Variants in EPS15 observed in about 807,000 individuals in gnomAD.
The protein encoded by EPS15 is epidermal growth factor receptor pathway substrate 15.
Under a neutral mutation model 113.8 loss-of-function variants are expected in EPS15, and 72 were observed. The ratio of observed to expected loss-of-function variants is 0.63; its 90% CI spans 0.52 to 0.77. The LOEUF (loss-of-function observed/expected upper bound fraction) is 0.77. Ranked by LOEUF, EPS15 falls within the 30% of genes least tolerant of loss-of-function variation. The probability of loss-of-function intolerance (pLI) is 0.00; values close to 1 mark genes in which losing one functional copy is unlikely to be tolerated. For synonymous variants in EPS15, 344 were observed against 363.4 expected, an observed-to-expected ratio of 0.95 and a Z score of 0.61; for missense variants, 1,048 against 1,045.8, an observed-to-expected ratio of 1.00 and a Z score of -0.03.
At chr1:51,467,912 AAT>A (rs1330303914) in intron 5 of EPS15, among the ~76,000 whole-genome samples, 1 of 152,132 alleles carries the variant, frequency 6.6e-6, no homozygotes, top group Non-Finnish European at 1.5e-5. Context: ...GGGGACCGTT[AAT>A]ATATAGCATG....
chr1:51,411,376 G>T (rs1165237998), intron 13 of EPS15, among the ~76,000 whole-genome samples: 1 of 152,036 alleles, frequency 6.6e-6, no homozygotes, highest in Non-Finnish European at 1.5e-5. Context: ...TGCAAAGAAA[G>T]GCAAAAAGTG....
intron 1 of EPS15, chr1:51,490,291 C>A (rs2148535683): frequency 2.2e-6 from 1 of 448,294 alleles, no homozygotes; most frequent in Non-Finnish European, 4.5e-6. Context: ...GAAGGCCAGG[C>A]ATGGTGGCTC....
chr1:51,415,565 G>A (rs1301160720), intron 13 of EPS15, among the ~76,000 whole-genome samples: 5 of 151,952 alleles, frequency 3.3e-5, no homozygotes, highest in African/African-American at 9.7e-5. Flanking sequence ...GGGAGGCTGA[G>A]GCTGGAAGAT....
At chr1:51,517,244 A>G (rs1338356704) in intron 1 of EPS15, among the ~76,000 whole-genome samples, 1 of 152,228 alleles carries the variant, frequency 6.6e-6, no homozygotes, top group African/African-American at 2.4e-5. Flanking sequence ...AATTATCAAT[A>G]AAAATTAACC....
chr1:51,419,251 A>C (rs1650521827), intron 13 of EPS15, among the ~76,000 whole-genome samples: 1 of 152,166 alleles, frequency 6.6e-6, no homozygotes. Flanking sequence ...CTCATGAAAT[A>C]AAATGTGAAG....
chr1:51,373,139 GC>G (rs2148365111), intron 21 of EPS15: 1 of 166,214 alleles, frequency 6.0e-6, no homozygotes, highest in East Asian at 1.9e-4. Context: ...ACAGAAGGGA[GC>G]AAAAAGGATA....
chr1:51,374,414 C>T lies in EPS15; in HGVS notation c.2120-8385G>A, dbSNP rs570533824. 5.3e-5 allele frequency among the ~76,000 whole-genome samples: 8 copies of T among 152,168 alleles called. No homozygotes were observed. The South Asian group carries it at 8.3e-4, about 16-fold the overall frequency. On this transcript the variant is annotated intron_variant, in intron 21 of 24. Transcript: ENST00000371733. Reference sequence around the variant, plus strand: ...GGTGGATCACCTGAGGTCAGGGCTTCGAGACCAGCCTGGCCAACGTCTTTA... The same window carrying T: ...GGTGGATCACCTGAGGTCAGGGCTTTGAGACCAGCCTGGCCAACGTCTTTA...
intron 13 of EPS15, among the ~76,000 whole-genome samples, chr1:51,420,576 C>A (rs1374733051): frequency 1.3e-5 from 2 of 152,036 alleles, no homozygotes. Flanking sequence ...TTTTGCATTT[C>A]CTAAGAAGCT....
intron 11 of EPS15, among the ~76,000 whole-genome samples, chr1:51,441,675 C>CAA (rs1160494145): frequency 6.6e-6 from 1 of 152,154 alleles, no homozygotes. Context: ...CTTTAAATTC[C>CAA]ACTAGTTAAT....
chr1:51,511,577 T>G (rs1459377608), intron 1 of EPS15, among the ~76,000 whole-genome samples: 1 of 152,132 alleles, frequency 6.6e-6, no homozygotes, highest in African/African-American at 2.4e-5. Context: ...CTAGGAAATA[T>G]TTGTCAGTGT....
chr1:51,385,652 A>T (rs1051850887), intron 21 of EPS15, among the ~76,000 whole-genome samples: 3 of 152,218 alleles, frequency 2.0e-5, no homozygotes, highest in African/African-American at 7.2e-5. Context: ...ACGGCAACTA[A>T]GTGTCCATTA....
At chr1:51,471,419 C>T (rs776213882) in intron 4 of EPS15, among the ~76,000 whole-genome samples, 73 of 152,130 alleles carry the variant, frequency 4.8e-4, no homozygotes, top group Non-Finnish European at 9.6e-4. Flanking sequence ...ACTTATAACC[C>T]TATGTAACTA....
At chr1:51,377,583 AC>A (rs1187084744) in intron 21 of EPS15, among the ~76,000 whole-genome samples, 1 of 152,218 alleles carries the variant, frequency 6.6e-6, no homozygotes, top group Non-Finnish European at 1.5e-5. Flanking sequence ...TAAAATGAGA[AC>A]AATGGATTTA....
Position 51,356,615 on chromosome 1 carries a change from A to T in EPS15, c.*85T>A. ...TCAAACCTTTTGTATTCCCATGCTC[A>T]CAGGTAGTTTTGATACACATTGTAA... On this transcript the variant is annotated 3_prime_UTR_variant, in exon 25 of 25. Transcript: ENST00000371733. The T allele has an allele frequency of 8.6e-7, 1 of 1,164,374 alleles. No homozygotes were observed. The highest frequency in any genetic ancestry group is 1.2e-6 in the Non-Finnish European group (1 of 837,402). 72.1% of individuals were successfully genotyped at this position (1,164,374 alleles called of 1,614,324 possible).
intron 16 of EPS15, among the ~76,000 whole-genome samples, chr1:51,404,292 A>G (rs1333958049): frequency 6.6e-6 from 1 of 151,364 alleles, no homozygotes; most frequent in East Asian, 1.9e-4. Flanking sequence ...GCAGGAGAAT[A>G]GCTTGAACCC....
At chr1:51,481,137 T>A in intron 2 of EPS15, 136 bp downstream of exon 2, 1 of 663,176 alleles carries the variant, frequency 1.5e-6, no homozygotes, top group Non-Finnish European at 2.7e-6. Flanking sequence ...GTACTCAAAG[T>A]GGAGGCTGTA....
At chr1:51,512,367 T>C (rs1644636120) in intron 1 of EPS15, among the ~76,000 whole-genome samples, 1 of 152,342 alleles carries the variant, frequency 6.6e-6, no homozygotes, top group South Asian at 2.1e-4. Context: ...CTCTTGCAGT[T>C]ATATTAGTCT....
intron 1 of EPS15, among the ~76,000 whole-genome samples, chr1:51,504,093 T>C (rs1553138633): frequency 6.6e-6 from 1 of 152,054 alleles, no homozygotes; most frequent in Non-Finnish European, 1.5e-5. Flanking sequence ...GAAAAATATA[T>C]ATAAATTAGA....
intron 2 of EPS15, among the ~76,000 whole-genome samples, chr1:51,478,131 G>A (rs1265758427): frequency 6.6e-6 from 1 of 152,058 alleles, no homozygotes; most frequent in African/African-American, 2.4e-5. Context: ...TATGAATCTG[G>A]GTGCTCCTGT....
Sources: gnomAD v4.1 joint callset for allele counts (sites outside exome capture counted in the v4.1 genomes callset) on GRCh38, gnomAD v4.1.1 for gene constraint, MANE v1.5 for transcripts, NCBI Gene and HGNC (gene_info 2026-07-23, HGNC 2026-07-21) for gene names.